PTPRR: variants seen among roughly 807,000 people sequenced by gnomAD.
PTPRR encodes the protein receptor-type tyrosine-protein phosphatase R.
A neutral mutation model predicts 77.2 loss-of-function variants in PTPRR; 38 were observed. The observed-to-expected ratio is 0.49, with a 90% CI of 0.38 to 0.65. PTPRR has a LOEUF of 0.65. PTPRR is among the 30% of genes least tolerant of loss of function. The pLI is 0.00. For missense variants in PTPRR, 744 were observed against 799.2 expected, an observed-to-expected ratio of 0.93 and a Z score of 0.83; for synonymous variants, 299 against 283.1, an observed-to-expected ratio of 1.06 and a Z score of -0.57.
intron 2 of PTPRR, among the ~76,000 whole-genome samples, chr12:70,875,237 T>A (rs1893031188): frequency 6.6e-6 from 1 of 152,196 alleles, no homozygotes; most frequent in African/African-American, 2.4e-5. Context: ...GAAGTGTCTA[T>A]AATATTAGAC....
At chr12:70,647,355 T>C (rs1886239221) in intron 13 of PTPRR, among the ~76,000 whole-genome samples, 1 of 152,258 alleles carries the variant, frequency 6.6e-6, no homozygotes, top group African/African-American at 2.4e-5. Context: ...TCCTGCCTGC[T>C]TAGATGTCTT....
chr12:70,885,232 T>C (rs930986903), intron 2 of PTPRR, among the ~76,000 whole-genome samples: 1 of 152,182 alleles, frequency 6.6e-6, no homozygotes, highest in Non-Finnish European at 1.5e-5. Flanking sequence ...TTAGATATTG[T>C]CATCATTTAT....
chr12:70,753,502 A>T (rs1890468514), intron 5 of PTPRR, among the ~76,000 whole-genome samples: 1 of 152,192 alleles, frequency 6.6e-6, no homozygotes, highest in African/African-American at 2.4e-5. Context: ...TACCCTAAAG[A>T]TACCGTTAGT....
intron 2 of PTPRR, among the ~76,000 whole-genome samples, chr12:70,778,737 T>G (rs766361548): frequency 6.6e-6 from 1 of 152,226 alleles, no homozygotes; most frequent in Non-Finnish European, 1.5e-5. Flanking sequence ...TTCTGTCAAT[T>G]TATTCTTTGT....
chr12:70,830,151 G>C (rs939468514), intron 2 of PTPRR, among the ~76,000 whole-genome samples: 9 of 152,120 alleles, frequency 5.9e-5, no homozygotes, highest in African/African-American at 2.2e-4. Flanking sequence ...AGGGCCTGGG[G>C]TAGAAATATT....
chr12:70,660,263 T>C (rs941918359), intron 12 of PTPRR, among the ~76,000 whole-genome samples: 4 of 149,316 alleles, frequency 2.7e-5, no homozygotes, highest in African/African-American at 9.7e-5. Flanking sequence ...TTTGGTTACA[T>C]TAAAAGGAAA....
intron 10 of PTPRR, among the ~76,000 whole-genome samples, chr12:70,681,613 TC>T (rs1465555700): frequency 1.3e-5 from 2 of 152,196 alleles, no homozygotes; most frequent in African/African-American, 2.4e-5. Flanking sequence ...TCACAGGATT[TC>T]TGTCTCTCTC....
Position 70,716,665 on chromosome 12 carries a change from G to A in PTPRR, c.1008-15342C>T, listed in dbSNP as rs146588288. 4.0e-3 allele frequency among the ~76,000 whole-genome samples: 612 copies of A among 152,174 alleles called. 3 individuals carry two copies. The highest frequency in any genetic ancestry group is 0.01 in the Middle Eastern group (3 of 294). Reference sequence around the variant, plus strand: ...ATGGTATCTACCATATCAGCTACAAGTACTATTCATCAAAGATTATTTAAA... The same window carrying A: ...ATGGTATCTACCATATCAGCTACAAATACTATTCATCAAAGATTATTTAAA... On this transcript the variant is annotated intron_variant, in intron 6 of 13. Coordinates refer to ENST00000283228, the MANE Select transcript of PTPRR (RefSeq NM_002849.4).
At chr12:70,822,507 T>G (rs1003590834) in intron 2 of PTPRR, among the ~76,000 whole-genome samples, 5 of 152,204 alleles carry the variant, frequency 3.3e-5, no homozygotes, top group African/African-American at 1.2e-4. Flanking sequence ...AATTATTCAT[T>G]TATTCATAAT....
chr12:70,736,498 G>C (rs1402989209), intron 6 of PTPRR, among the ~76,000 whole-genome samples: 1 of 152,074 alleles, frequency 6.6e-6, no homozygotes, highest in Non-Finnish European at 1.5e-5. Context: ...AATACTGCTT[G>C]GGTTCGCATT....
intron 2 of PTPRR, among the ~76,000 whole-genome samples, chr12:70,794,429 G>A (rs1891475345): frequency 6.6e-6 from 1 of 152,182 alleles, no homozygotes; most frequent in East Asian, 1.9e-4. Flanking sequence ...GGTCTCAAAA[G>A]AGGAATTTAA....
chr12:70,881,699 C>T (rs540222852), intron 2 of PTPRR, among the ~76,000 whole-genome samples: 1 of 152,278 alleles, frequency 6.6e-6, no homozygotes, highest in Admixed American at 6.5e-5. Flanking sequence ...ATTATATTTT[C>T]ATCCTTCAAA....
At chr12:70,727,522 T>C (rs1173798977) in intron 6 of PTPRR, among the ~76,000 whole-genome samples, 1 of 152,198 alleles carries the variant, frequency 6.6e-6, no homozygotes, top group Non-Finnish European at 1.5e-5. Flanking sequence ...TCAGATACTT[T>C]TGTATTGTGA....
chr12:70,716,848 T>C (rs1267016028), intron 6 of PTPRR, among the ~76,000 whole-genome samples: 1 of 152,184 alleles, frequency 6.6e-6, no homozygotes, highest in Non-Finnish European at 1.5e-5. Context: ...CCCTGTCCCA[T>C]AAAATAAAAT....
chr12:70,695,787 C>T (rs540332660), intron 8 of PTPRR, among the ~76,000 whole-genome samples: 77 of 152,170 alleles, frequency 5.1e-4, no homozygotes, highest in African/African-American at 1.5e-3. Flanking sequence ...ACACGCAGCA[C>T]TTTCATCCCC....
chr12:70,731,887 G>A (rs1889675340), intron 6 of PTPRR, among the ~76,000 whole-genome samples: 2 of 152,222 alleles, frequency 1.3e-5, no homozygotes, highest in Admixed American at 6.5e-5. Context: ...ACATGTGTGA[G>A]TTCTTGATGG....
intron 2 of PTPRR, among the ~76,000 whole-genome samples, chr12:70,876,496 A>G (rs1893054589): frequency 6.6e-6 from 1 of 152,214 alleles, no homozygotes; most frequent in Non-Finnish European, 1.5e-5. Context: ...CTTTATATCT[A>G]AAGACTGAGT....
intron 1 of PTPRR, among the ~76,000 whole-genome samples, chr12:70,902,338 C>T (rs756599626): frequency 2.6e-5 from 4 of 151,694 alleles, no homozygotes; most frequent in East Asian, 3.9e-4. Context: ...GAAAAGAAGT[C>T]GTTATATGAA....
chr12:70,896,795 G>A (rs947176811), intron 1 of PTPRR, among the ~76,000 whole-genome samples: 4 of 151,920 alleles, frequency 2.6e-5, no homozygotes, highest in Admixed American at 2.6e-4. Context: ...TGTATCAGGT[G>A]TAAGGAAGGG....
Sources: allele counts gnomAD v4.1 joint callset (sites outside exome capture counted in the v4.1 genomes callset), GRCh38; gene constraint gnomAD v4.1.1; transcripts MANE v1.5; gene names NCBI Gene and HGNC (gene_info 2026-07-23, HGNC 2026-07-21).